The following LRMDA variants were observed in gnomAD, a reference collection of about 807,000 sequenced individuals.
LRMDA encodes the protein leucine-rich melanocyte differentiation-associated protein.
A neutral mutation model predicts 29.8 loss-of-function variants in LRMDA; 18 were observed. The observed-to-expected ratio is 0.60, with a 90% confidence interval of 0.42 to 0.90. LRMDA has a LOEUF of 0.90. Among genes scored for constraint, LRMDA ranks in the 40% least tolerant of loss-of-function variants. LRMDA has a pLI of 0.00. For missense variants in LRMDA, 273 were observed against 273.9 expected, an observed-to-expected ratio of 1.00 and a Z score of 0.02; for synonymous variants, 125 against 109.4, an observed-to-expected ratio of 1.14 and a Z score of -0.89.
intron 2 of LRMDA, among the ~76,000 whole-genome samples, chr10:75,485,257 A>T (rs1844897392): frequency 6.6e-6 from 1 of 152,072 alleles, no homozygotes; most frequent in African/African-American, 2.4e-5. Context: ...CATCTTTTTG[A>T]TGTCTTTTAA....
In LRMDA at chr10:75,641,528, C is replaced by T. The variant is rs556793025; in HGVS notation, c.131+203034C>T. Among the ~76,000 whole-genome samples the T allele has an allele frequency of 2.6e-5, 4 of 152,116 alleles. No homozygotes were observed. In the South Asian group the frequency reaches 8.3e-4, roughly 32 times the overall value. On this transcript the variant is annotated intron_variant, in intron 2 of 6. Transcript: ENST00000611255. ...TAATTATTATTTTTAAAGACAGAGT[C>T]TCGCTGTCACTCAGGCTGGAGTGCA...
At chr10:76,149,377 T>C (rs2132163143) in intron 5 of LRMDA, among the ~76,000 whole-genome samples, 1 of 152,318 alleles carries the variant, frequency 6.6e-6, no homozygotes, top group Non-Finnish European at 1.5e-5. Context: ...GCTCTGTAAG[T>C]GATTGGCTGA....
chr10:75,891,838 G>T (rs1268931983), intron 2 of LRMDA, among the ~76,000 whole-genome samples: 1 of 152,168 alleles, frequency 6.6e-6, no homozygotes, highest in East Asian at 1.9e-4. Flanking sequence ...GGCAAGGAGG[G>T]GCAGATTTGG....
chr10:76,476,908 A>G (rs924076393), intron 6 of LRMDA, among the ~76,000 whole-genome samples: 1 of 152,148 alleles, frequency 6.6e-6, no homozygotes, highest in African/African-American at 2.4e-5. Context: ...TCTCAAAATA[A>G]TAAGAGCTAT....
At chr10:76,060,284 T>G (rs932489116) in intron 5 of LRMDA, among the ~76,000 whole-genome samples, 1 of 152,176 alleles carries the variant, frequency 6.6e-6, no homozygotes, top group African/African-American at 2.4e-5. Context: ...CTCATTGACT[T>G]TGATGTGGGC....
chr10:76,519,484 G>T (rs988729769), intron 6 of LRMDA, among the ~76,000 whole-genome samples: 5 of 152,136 alleles, frequency 3.3e-5, no homozygotes, highest in Non-Finnish European at 7.3e-5. Context: ...CTTCCATCCA[G>T]ACTGTCCTGC....
chr10:76,548,158 T>C (rs1439138815), intron 6 of LRMDA, among the ~76,000 whole-genome samples: 1 of 152,152 alleles, frequency 6.6e-6, no homozygotes, highest in Non-Finnish European at 1.5e-5. Context: ...GATAGAGTTG[T>C]ATGGGTGCCT....
At chr10:76,265,870 C>G (rs1840001134) in intron 5 of LRMDA, among the ~76,000 whole-genome samples, 1 of 152,188 alleles carries the variant, frequency 6.6e-6, no homozygotes, top group Admixed American at 6.5e-5. Flanking sequence ...CAGGAAACCA[C>G]CAGACTGTTC....
At chr10:75,657,367 G>C (rs1277834810) in intron 2 of LRMDA, among the ~76,000 whole-genome samples, 2 of 152,200 alleles carry the variant, frequency 1.3e-5, no homozygotes, top group Non-Finnish European at 2.9e-5. Context: ...CAATCAGAGA[G>C]GAGAATGGAA....
chr10:75,789,071 TGTAG>T (rs1447073810), intron 2 of LRMDA, among the ~76,000 whole-genome samples: 1 of 152,246 alleles, frequency 6.6e-6, no homozygotes, highest in Non-Finnish European at 1.5e-5. Flanking sequence ...CCTAATGTAG[TGTAG>T]TGGTGATGAG....
intron 2 of LRMDA, among the ~76,000 whole-genome samples, chr10:76,003,232 G>A (rs962357207): frequency 2.0e-5 from 3 of 152,126 alleles, no homozygotes; most frequent in South Asian, 2.1e-4. Context: ...ACCATTAGAC[G>A]GGATTGGTGG....
intron 5 of LRMDA, among the ~76,000 whole-genome samples, chr10:76,170,032 G>T (rs775912433): frequency 1.3e-5 from 2 of 152,124 alleles, no homozygotes; most frequent in African/African-American, 4.8e-5. Flanking sequence ...GAAGCTGAAA[G>T]GTAAAATAAT....
chr10:76,004,824 T>C lies in LRMDA; in HGVS notation c.132-31184T>C, dbSNP rs191576605. Among the ~76,000 whole-genome samples, 3 of 147,434 alleles carry C rather than the reference T, an allele frequency of 2.0e-5. No homozygotes were observed. The Admixed American group carries it at 2.1e-4, about 10-fold the overall frequency. On this transcript the variant is annotated intron_variant, in intron 2 of 6. Coordinates refer to ENST00000611255, the MANE Select transcript of LRMDA (RefSeq NM_001305581.2). ...CTCACTGCAAGCTCCGCCTCCCAGG[T>C]TCATGCCATTCTCCTGCTTCAGCCT...
At chr10:75,890,948 A>C (rs1055431755) in intron 2 of LRMDA, among the ~76,000 whole-genome samples, 2 of 152,050 alleles carry the variant, frequency 1.3e-5, no homozygotes, top group Non-Finnish European at 2.9e-5. Flanking sequence ...TACTAAAAAT[A>C]TGAAAATTAG....
chr10:76,390,559 G>A (rs1440730039), intron 6 of LRMDA, among the ~76,000 whole-genome samples: 1 of 151,786 alleles, frequency 6.6e-6, no homozygotes, highest in Non-Finnish European at 1.5e-5. Flanking sequence ...CACCATGACT[G>A]GTATTCAGTC....
chr10:76,117,597 C>G (rs950202956), intron 5 of LRMDA, among the ~76,000 whole-genome samples: 2 of 152,214 alleles, frequency 1.3e-5, no homozygotes, highest in African/African-American at 2.4e-5. Flanking sequence ...AGAGAATGAC[C>G]TAGTGCTCCA....
At chr10:76,411,828 A>C (rs1472544126) in intron 6 of LRMDA, among the ~76,000 whole-genome samples, 1 of 152,242 alleles carries the variant, frequency 6.6e-6, no homozygotes, top group African/African-American at 2.4e-5. Flanking sequence ...GGGGCAGGCC[A>C]CTTTGGAGAC....
chr10:75,475,569 A>G (rs1034204772), intron 2 of LRMDA, among the ~76,000 whole-genome samples: 1 of 152,238 alleles, frequency 6.6e-6, no homozygotes, highest in African/African-American at 2.4e-5. Flanking sequence ...GTTGAAGCCC[A>G]TTGTTTCAGG....
intron 2 of LRMDA, among the ~76,000 whole-genome samples, chr10:75,905,831 G>T (rs1283127440): frequency 6.6e-6 from 1 of 152,182 alleles, no homozygotes; most frequent in Non-Finnish European, 1.5e-5. Context: ...CTCTTGGGAA[G>T]TGGGACATTT....
Sources: gnomAD v4.1 joint callset for allele counts (sites outside exome capture counted in the v4.1 genomes callset) on GRCh38, gnomAD v4.1.1 for gene constraint, MANE v1.5 for transcripts, NCBI Gene and HGNC (gene_info 2026-07-23, HGNC 2026-07-21) for gene names.